Variants in CAMTA1 observed in about 807,000 individuals in gnomAD.
The protein encoded by CAMTA1 is calmodulin binding transcription activator 1, also known as calmodulin-binding transcription activator 1.
Under a neutral mutation model 170.9 loss-of-function variants are expected in CAMTA1, and 27 were observed. The ratio of observed to expected loss-of-function variants is 0.16; its 90% CI spans 0.12 to 0.22. CAMTA1 has a LOEUF of 0.22. Ranked by LOEUF, CAMTA1 falls within the 10% of genes least tolerant of loss-of-function variation. CAMTA1 has a pLI of 1.00. For synonymous variants in CAMTA1, 833 were observed against 891.5 expected, an observed-to-expected ratio of 0.93 and a Z score of 1.17; for missense variants, 1,619 against 2,217.2, an observed-to-expected ratio of 0.73 and a Z score of 5.42.
intron 3 of CAMTA1, among the ~76,000 whole-genome samples, chr1:6,849,313 T>C (rs1463466356): frequency 6.6e-6 from 1 of 152,148 alleles, no homozygotes; most frequent in African/African-American, 2.4e-5. Context: ...AGCAGTTGGA[T>C]GTAGATTTGG....
chr1:7,090,205 C>T (rs768879223), intron 3 of CAMTA1, among the ~76,000 whole-genome samples: 6 of 152,166 alleles, frequency 3.9e-5, no homozygotes, highest in African/African-American at 1.4e-4. Flanking sequence ...TCTACTCTCA[C>T]CTGCTCTGCT....
At chr1:7,654,935 A>C (rs1484786972) in intron 7 of CAMTA1, among the ~76,000 whole-genome samples, 8 of 121,012 alleles carry the variant, frequency 6.6e-5, no homozygotes, top group Non-Finnish European at 3.5e-5. Context: ...TACACACACA[A>C]GCACACACCT....
intron 3 of CAMTA1, among the ~76,000 whole-genome samples, chr1:7,002,078 A>T (rs7539587): frequency 0.33 from 50,279 of 151,618 alleles, 8,395 homozygotes; most frequent in Admixed American, 0.35. Flanking sequence ...TTGTATTTTT[A>T]GTAGAGATGG....
chr1:6,948,941 C>G (rs1412446300), intron 3 of CAMTA1, among the ~76,000 whole-genome samples: 1 of 152,138 alleles, frequency 6.6e-6, no homozygotes, highest in Admixed American at 6.5e-5. Context: ...TGCTCCCTGA[C>G]GTGTGTCTCC....
At chr1:7,170,114 G>GTT (rs1230290711) in intron 4 of CAMTA1, among the ~76,000 whole-genome samples, 1 of 151,942 alleles carries the variant, frequency 6.6e-6, no homozygotes, top group Non-Finnish European at 1.5e-5. Flanking sequence ...AGGAGCATTG[G>GTT]TTCATTAATT....
Position 7,293,820 on chromosome 1 carries a change from C to T in CAMTA1, c.438+44194C>T, listed in dbSNP as rs533827758. Reference sequence around the variant, plus strand: ...GGGTTTCCAGCTCTCCCGTGCCCCTCGCTTTTCTCTGAAAACTCGGCATGC... The same window carrying T: ...GGGTTTCCAGCTCTCCCGTGCCCCTTGCTTTTCTCTGAAAACTCGGCATGC... On this transcript the variant is annotated intron_variant, in intron 5 of 22. Transcript: ENST00000303635. This position sits in a 1 kb window ranked among gnomAD's most constrained non-coding sequence, Gnocchi z 4.1. Among the ~76,000 whole-genome samples the T allele has an allele frequency of 9.2e-5, 14 of 152,350 alleles. No individual in the cohort carries two copies. Among genetic ancestry groups the T allele is most frequent in the South Asian group, 8.3e-4 (4 of 4,832 alleles).
intron 5 of CAMTA1, among the ~76,000 whole-genome samples, chr1:7,420,311 G>A (rs1458917084): frequency 3.3e-5 from 5 of 152,172 alleles, no homozygotes; most frequent in South Asian, 2.1e-4. Context: ...CAGACCTGCT[G>A]CCCAGTGCCC....
chr1:6,812,068 C>T (rs1020200660), intron 1 of CAMTA1, among the ~76,000 whole-genome samples: 3 of 152,236 alleles, frequency 2.0e-5, no homozygotes, highest in African/African-American at 4.8e-5. Flanking sequence ...GGATGTCTCC[C>T]TCCCAGCTAA....
chr1:6,998,689 A>G (rs1176515050), intron 3 of CAMTA1, among the ~76,000 whole-genome samples: 1 of 152,214 alleles, frequency 6.6e-6, no homozygotes, highest in Non-Finnish European at 1.5e-5. Context: ...TTTGTCCTGT[A>G]ACATATCCCT....
At chr1:7,391,003 GTTGT>G (rs2088642431) in intron 5 of CAMTA1, among the ~76,000 whole-genome samples, 1 of 151,848 alleles carries the variant, frequency 6.6e-6, no homozygotes, top group Admixed American at 6.6e-5. Flanking sequence ...AATCTGGGTT[GTTGT>G]TTTTTTTTTT....
chr1:7,370,549 G>A (rs1355420582), intron 5 of CAMTA1, among the ~76,000 whole-genome samples: 1 of 152,114 alleles, frequency 6.6e-6, no homozygotes, highest in Non-Finnish European at 1.5e-5. Context: ...ACACATTCCT[G>A]GAAAGGCTTT....
intron 6 of CAMTA1, among the ~76,000 whole-genome samples, chr1:7,560,051 C>G (rs2094935922): frequency 6.6e-6 from 1 of 152,202 alleles, no homozygotes; most frequent in South Asian, 2.1e-4. Flanking sequence ...TCTGGGACCC[C>G]AAGGCCCAGG....
chr1:7,596,440 C>T (rs546912964), intron 6 of CAMTA1, among the ~76,000 whole-genome samples: 53 of 152,324 alleles, frequency 3.5e-4, no homozygotes, highest in African/African-American at 1.2e-3. Flanking sequence ...CATGCCTGCT[C>T]CTACTCTTCT....
intron 4 of CAMTA1, among the ~76,000 whole-genome samples, chr1:7,098,153 G>A (rs993737720): frequency 1.3e-5 from 2 of 152,188 alleles, no homozygotes; most frequent in African/African-American, 2.4e-5. Flanking sequence ...GCGTGTGTGT[G>A]CATGTGCAGG....
intron 11 of CAMTA1, among the ~76,000 whole-genome samples, chr1:7,731,835 A>G (rs1288254069): frequency 6.6e-6 from 1 of 151,798 alleles, no homozygotes; most frequent in Admixed American, 6.6e-5. Flanking sequence ...CCTAGATCAC[A>G]CCAATGCACT....
At chr1:7,307,983 G>T (rs946171879) in intron 5 of CAMTA1, among the ~76,000 whole-genome samples, 30 of 151,846 alleles carry the variant, frequency 2.0e-4, no homozygotes, top group Middle Eastern at 6.8e-3. Flanking sequence ...TAGGCCTAGA[G>T]AATTTTTTTT....
intron 3 of CAMTA1, among the ~76,000 whole-genome samples, chr1:7,052,923 C>G (rs371225945): frequency 1.7e-4 from 26 of 152,226 alleles, no homozygotes; most frequent in Non-Finnish European, 3.1e-4. Flanking sequence ...CCGCACTCCT[C>G]GCAGCTGCTG....
At chr1:7,060,831 C>T (rs964212698) in intron 3 of CAMTA1, among the ~76,000 whole-genome samples, 1 of 152,194 alleles carries the variant, frequency 6.6e-6, no homozygotes. Context: ...TTCCCAGGAG[C>T]ACGGAAAGCG....
chr1:7,428,123 G>C (rs1487197822), intron 5 of CAMTA1, among the ~76,000 whole-genome samples: 1 of 152,152 alleles, frequency 6.6e-6, no homozygotes, highest in Admixed American at 6.5e-5. Context: ...GTGCTATCTG[G>C]AGGGAGGGTG....
Sources: gnomAD v4.1 joint callset for allele counts (sites outside exome capture counted in the v4.1 genomes callset) on GRCh38, gnomAD v4.1.1 for gene constraint, Gnocchi (gnomAD v3.1) non-coding constraint, MANE v1.5 for transcripts, NCBI Gene and HGNC (gene_info 2026-07-23, HGNC 2026-07-21) for gene names.